The following STXBP4 variants were observed in gnomAD, a reference collection of about 807,000 sequenced individuals.
STXBP4 encodes syntaxin-binding protein 4.
Under a neutral mutation model 76.1 loss-of-function variants are expected in STXBP4, and 55 were observed. The observed-to-expected ratio is 0.72, with a 90% CI of 0.58 to 0.91. The LOEUF is 0.91. STXBP4 is among the 40% of genes least tolerant of loss of function. The pLI is 0.00. For synonymous variants in STXBP4, 201 were observed against 220.2 expected, an observed-to-expected ratio of 0.91 and a Z score of 0.77; for missense variants, 618 against 636.9, an observed-to-expected ratio of 0.97 and a Z score of 0.32.
chr17:55,111,617 C>T (rs1263607917), intron 16 of STXBP4, among the ~76,000 whole-genome samples: 2 of 152,144 alleles, frequency 1.3e-5, no homozygotes, highest in Non-Finnish European at 2.9e-5. Flanking sequence ...CTCCCCCAAC[C>T]TTATTCATGG....
the STXBP4 span, among the ~76,000 whole-genome samples, chr17:55,198,260 G>A: frequency 6.6e-6 from 1 of 152,358 alleles, no homozygotes; most frequent in African/African-American, 2.4e-5. Context: ...TGGGGGACAG[G>A]TTTGCAAGGG....
intron 1 of STXBP4, among the ~76,000 whole-genome samples, chr17:54,976,848 A>G (rs1362425033): frequency 1.3e-5 from 2 of 152,194 alleles, no homozygotes; most frequent in South Asian, 2.1e-4. Flanking sequence ...ATTGTCTTCC[A>G]CAAAACTGGT....
chr17:54,999,216 T>C, intron 4 of STXBP4, 129 bp from the exon 5 acceptor site: 1 of 653,724 alleles, frequency 1.5e-6, no homozygotes, highest in South Asian at 2.1e-5. Context: ...ACTGAGGTTG[T>C]CTAAGATTTT....
chr17:55,186,418 C>A, the STXBP4 span, among the ~76,000 whole-genome samples: 6 of 152,036 alleles, frequency 3.9e-5, no homozygotes, highest in Non-Finnish European at 5.9e-5. Flanking sequence ...TAAAACTAAG[C>A]AAATTTGAAA....
Position 55,163,182 on chromosome 17 carries a change from C to CT in STXBP4, c.*3278dup, listed in dbSNP as rs1056936956. The CT allele has an allele frequency of 6.9e-6, 1 of 144,956 alleles. No homozygotes were observed. The highest frequency in any genetic ancestry group is 2.5e-5 in the African/African-American group (1 of 39,538). 9.0% of individuals were successfully genotyped at this position (144,956 alleles called of 1,614,324 possible). Reference sequence around the variant, plus strand: ...AGCCTTATTTTTATGTATGATAGGACTTTTTTTAGTCCAAATGTTCCTATA... The same window carrying CT: ...AGCCTTATTTTTATGTATGATAGGACTTTTTTTTAGTCCAAATGTTCCTATA... On this transcript the variant is annotated 3_prime_UTR_variant, in exon 18 of 18. Transcript: ENST00000376352.
intron 8 of STXBP4, 120 bp downstream of exon 8, chr17:55,007,717 T>A: frequency 5.7e-6 from 4 of 700,810 alleles, no homozygotes; most frequent in Non-Finnish European, 9.5e-6. Context: ...TATTTACAAT[T>A]AAATGAATGG....
chr17:55,176,883 G>A (rs1200022428), downstream of STXBP4, among the ~76,000 whole-genome samples: 1 of 152,088 alleles, frequency 6.6e-6, no homozygotes, highest in Non-Finnish European at 1.5e-5. Context: ...AATATTTCCT[G>A]GTTTTGGGGC....
the STXBP4 span, among the ~76,000 whole-genome samples, chr17:55,200,974 G>A: frequency 6.6e-6 from 1 of 152,206 alleles, no homozygotes; most frequent in Non-Finnish European, 1.5e-5. Flanking sequence ...TGGTTACAGA[G>A]AGGAGACTCA....
At chr17:54,986,318 A>G (rs1194480165) in intron 3 of STXBP4, 52 bp downstream of exon 3, 2 of 1,373,260 alleles carry the variant, frequency 1.5e-6, no homozygotes, top group Non-Finnish European at 2.0e-6. Context: ...TATGTAAACT[A>G]TTAATGAACA....
chr17:55,070,470 T>C (rs1208846036), intron 12 of STXBP4, among the ~76,000 whole-genome samples: 3 of 152,184 alleles, frequency 2.0e-5, no homozygotes, highest in Non-Finnish European at 2.9e-5. Flanking sequence ...TTTCTAAAAG[T>C]ATTCTTTTAT....
chr17:55,200,069 T>C, the STXBP4 span, among the ~76,000 whole-genome samples: 1 of 152,270 alleles, frequency 6.6e-6, no homozygotes, highest in East Asian at 1.9e-4. Context: ...AGTTCCTTTG[T>C]TGCACTGACC....
At chr17:55,118,567 A>T (rs2079808512) in intron 16 of STXBP4, among the ~76,000 whole-genome samples, 1 of 88,984 alleles carries the variant, frequency 1.1e-5, no homozygotes, top group Admixed American at 9.5e-5. Context: ...AAGGGCTGGG[A>T]TGGAGAAATA....
chr17:55,186,124 ACAAACCCTCC>A, the STXBP4 span, among the ~76,000 whole-genome samples: 1 of 152,242 alleles, frequency 6.6e-6, no homozygotes, highest in Non-Finnish European at 1.5e-5. Context: ...TTACTTGTCT[ACAAACCCTCC>A]ACGTGATTGC....
rs76682739 is a variant in STXBP4 at position 55,155,887 on chromosome 17, T to A, written c.1548-3910T>A. Among the ~76,000 whole-genome samples, 796 of 152,304 alleles carry A rather than the reference T, an allele frequency of 5.2e-3. 7 individuals carry two copies. Among genetic ancestry groups the A allele is most frequent in the African/African-American group, 0.018 (758 of 41,568 alleles). ...ATAAAGCATGTTCTCTTAGGTTTTT[T>A]AATAAGCTCTAAAATGTGTCTTTCA... On this transcript the variant is annotated intron_variant, in intron 17 of 17. Transcript: ENST00000376352.
intron 17 of STXBP4, among the ~76,000 whole-genome samples, chr17:55,144,639 A>C (rs989959982): frequency 6.6e-6 from 1 of 152,198 alleles, no homozygotes; most frequent in Non-Finnish European, 1.5e-5. Context: ...AGGATGCCAG[A>C]TAATGAGGCT....
At chr17:55,001,720 C>T (rs551402891) in intron 7 of STXBP4, among the ~76,000 whole-genome samples, 3 of 152,118 alleles carry the variant, frequency 2.0e-5, no homozygotes, top group Non-Finnish European at 2.9e-5. Context: ...CGAAGTTCCG[C>T]CTCCTGGGTT....
At chr17:54,991,066 T>C in intron 4 of STXBP4, 109 bp downstream of exon 4, 2 of 1,213,958 alleles carry the variant, frequency 1.6e-6, no homozygotes, top group Non-Finnish European at 2.2e-6. Context: ...TGACCATACC[T>C]CAGTGAAAAA....
chr17:55,105,873 CT>C (rs1431282491), intron 16 of STXBP4, among the ~76,000 whole-genome samples: 1 of 152,122 alleles, frequency 6.6e-6, no homozygotes, highest in East Asian at 1.9e-4. Flanking sequence ...TGTTTTACTT[CT>C]GTTTATGTGG....
chr17:54,997,870 G>T (rs1306624004), intron 4 of STXBP4, among the ~76,000 whole-genome samples: 1 of 150,208 alleles, frequency 6.7e-6, no homozygotes, highest in Non-Finnish European at 1.5e-5. Flanking sequence ...GTACAGATGT[G>T]AGCCACCGTG....
Sources: allele counts gnomAD v4.1 joint callset (sites outside exome capture counted in the v4.1 genomes callset), GRCh38; gene constraint gnomAD v4.1.1; transcripts MANE v1.5; gene names NCBI Gene and HGNC (gene_info 2026-07-23, HGNC 2026-07-21).